TIMM44: variants seen among roughly 807,000 people sequenced by gnomAD.
The protein encoded by TIMM44 is translocase of inner mitochondrial membrane 44, also known as mitochondrial import inner membrane translocase subunit TIM44.
TIMM44 carries 37 observed loss-of-function variants against 63.8 expected under a neutral mutation model. That is an observed-to-expected ratio of 0.58 (90% CI 0.45 to 0.76). The LOEUF (loss-of-function observed/expected upper bound fraction) is 0.76. Ranked by LOEUF, TIMM44 falls within the 30% of genes least tolerant of loss-of-function variation. The pLI, the probability that TIMM44 is intolerant of heterozygous loss-of-function variation, is 0.00. For missense variants in TIMM44, 573 were observed against 603.8 expected (o/e 0.95, Z 0.54); for synonymous variants, 239 against 245.1 (o/e 0.98, Z 0.23).
chr19:7,934,027 T>C lies in TIMM44; in HGVS notation c.544-24A>G, dbSNP rs1211719100. 6.2e-7 allele frequency: 1 copy of C among 1,613,242 alleles called. No individual in the cohort carries two copies. Among genetic ancestry groups the C allele is most frequent in the Non-Finnish European group, 8.5e-7 (1 of 1,179,862 alleles). The stretch of plus-strand genomic sequence containing the variant: ...CCCTGCGAGGGAGGCACAGCGGGGC[T>C]GGGGTGGGTGTCTGGGTTCGGCCGC... On this transcript the variant is annotated intron_variant, in intron 5 of 12. Transcript: ENST00000270538. This position sits in a 1 kb window ranked among gnomAD's most constrained non-coding sequence, Gnocchi z 5.3.
intron 1 of TIMM44, 24 bp from the exon 2 acceptor site, chr19:7,941,221 A>G: frequency 6.4e-7 from 1 of 1,566,458 alleles, no homozygotes. Context: ...GAGAAGAGAA[A>G]GATCCATTCT....
intron 2 of TIMM44, among the ~76,000 whole-genome samples, chr19:7,940,472 G>A (rs1407086666): frequency 6.6e-6 from 1 of 151,944 alleles, no homozygotes; most frequent in Non-Finnish European, 1.5e-5. Context: ...AGAGTCACAG[G>A]TCCTGTCCCA....
intron 1 of TIMM44, among the ~76,000 whole-genome samples, chr19:7,942,624 A>G (rs1984340012): frequency 6.7e-6 from 1 of 149,238 alleles, no homozygotes; most frequent in African/African-American, 2.5e-5. Context: ...CCAAACTTAC[A>G]CAGGTGCCTA....
chr19:7,932,089 C>G (rs1984001142), intron 9 of TIMM44, among the ~76,000 whole-genome samples: 1 of 152,208 alleles, frequency 6.6e-6, no homozygotes, highest in Non-Finnish European at 1.5e-5. Context: ...GAGGCAGAGG[C>G]AGCAGGGAAG....
chr19:7,933,932 C>T lies in TIMM44; in HGVS notation c.615G>A (p.Gln205=), dbSNP rs1454352212. ...LGQTGPYRRP[Q]RLRKRTEFAG... The stretch of plus-strand genomic sequence containing the variant: ...CAAACTCCGTTCTCTTCCGGAGTCG[C>T]TGGGGCCTCCGGTAGGGCCCGGTCT... Residue 205 remains glutamine (Q), a synonymous_variant, in exon 6 of 13, where the codon CAG becomes CAA. Coordinates refer to ENST00000270538, the MANE Select transcript of TIMM44 (RefSeq NM_006351.4). The surrounding 1 kb of genome is among the most constrained non-coding windows in gnomAD (Gnocchi z 4.3). 1 of 1,614,200 alleles carries T rather than the reference C, an allele frequency of 6.2e-7. No homozygotes were observed. The highest frequency in any genetic ancestry group is 8.5e-7 in the Non-Finnish European group (1 of 1,180,028).
rs1984207697 is a variant in TIMM44 at position 7,938,111 on chromosome 19, T to G, written c.228A>C (p.Glu76Asp). ...NVKQELAKNK[E>D]MKESIKKFRD... ...GGAATTTTTTTATACTTTCTTTCATTTCTTTGTTTTTGGCTAATTCTTGTT... is the reference window on the plus strand; with the variant it reads ...GGAATTTTTTTATACTTTCTTTCATGTCTTTGTTTTTGGCTAATTCTTGTT... The change falls in exon 3 of 13, where the codon GAA becomes GAC. Residue 76 changes from glutamate (E) to aspartate (D), a missense_variant. Glu to Asp is a conservative substitution (Grantham distance 45). Transcript: ENST00000270538. 1.9e-6 allele frequency: 3 copies of G among 1,614,028 alleles called. No individual in the cohort carries two copies. The highest frequency in any genetic ancestry group is 2.5e-6 in the Non-Finnish European group (3 of 1,180,036).
At position 7,934,516 on chromosome 19, in the gene TIMM44, A is replaced by G. The variant is rs1301357901; in HGVS notation, c.394-278T>C. On this transcript the variant is annotated intron_variant, in intron 4 of 12. Coordinates refer to ENST00000270538, the MANE Select transcript of TIMM44 (RefSeq NM_006351.4). The surrounding 1 kb of genome is among the most constrained non-coding windows in gnomAD (Gnocchi z 5.3). ...CCCCCAGAGCCATGAGCACACCGCC[A>G]CGGCTTCCGGGATGCTGGCCCTGGG... Among the ~76,000 whole-genome samples, 1 of 151,932 alleles carries G rather than the reference A, an allele frequency of 6.6e-6. No individual in the cohort carries two copies. The highest frequency in any genetic ancestry group is 1.5e-5 in the Non-Finnish European group (1 of 67,986).
chr19:7,942,204 G>A lies in TIMM44; in HGVS notation c.46-1007C>T, dbSNP rs142550706. ...TCTACCAAAAATACAAAAATTAGCCGGGCGTGGTGGCACACACCTGTAGTC... is the reference window on the plus strand; with the variant it reads ...TCTACCAAAAATACAAAAATTAGCCAGGCGTGGTGGCACACACCTGTAGTC... On this transcript the variant is annotated intron_variant, in intron 1 of 12. Coordinates refer to ENST00000270538, the MANE Select transcript of TIMM44 (RefSeq NM_006351.4). Among the ~76,000 whole-genome samples the A allele has an allele frequency of 2.0e-3, 300 of 152,194 alleles. 1 individual carries two copies. The highest frequency in any genetic ancestry group is 6.9e-3 in the African/African-American group (285 of 41,512).
chr19:7,929,448 C>T (rs1246973936), intron 10 of TIMM44, among the ~76,000 whole-genome samples: 1 of 152,214 alleles, frequency 6.6e-6, no homozygotes, highest in Non-Finnish European at 1.5e-5. Flanking sequence ...CCCACTGCCG[C>T]AACCCCATCC....
chr19:7,931,041 T>A, intron 10 of TIMM44, 97 bp downstream of exon 10: 7 of 1,165,874 alleles, frequency 6.0e-6, no homozygotes, highest in South Asian at 1.3e-5. Context: ...GTCCTGCCTG[T>A]TGGGAGCTAC....
intron 1 of TIMM44, among the ~76,000 whole-genome samples, chr19:7,942,093 A>C (rs1984326603): frequency 6.6e-6 from 1 of 152,200 alleles, no homozygotes; most frequent in Non-Finnish European, 1.5e-5. Context: ...TCACGCCAGT[A>C]ATCCCAACAC....
In TIMM44 at chr19:7,935,726, C is replaced by T. The variant is rs549137643; in HGVS notation, c.313-581G>A. On this transcript the variant is annotated intron_variant, in intron 3 of 12. Transcript: ENST00000270538. ...AGGAGGCCCAGCCTTCACCTTTCACCGGGTGGTAGGAGGTGGCCTTGCCTG... is the reference window on the plus strand; with the variant it reads ...AGGAGGCCCAGCCTTCACCTTTCACTGGGTGGTAGGAGGTGGCCTTGCCTG... Among the ~76,000 whole-genome samples, 9 of 152,288 alleles carry T rather than the reference C, an allele frequency of 5.9e-5. No homozygotes were observed. The East Asian group carries it at 9.6e-4, about 16-fold the overall frequency.
Position 7,927,337 on chromosome 19 carries a change from A to G in TIMM44, c.1240-31T>C, listed in dbSNP as rs751421151. On this transcript the variant is annotated intron_variant, in intron 12 of 12. Transcript: ENST00000270538. ...GGGTGGGGTGGGAAGGGCACTGTTG[A>G]GAGGGTTGAGGTGACCCAGGCAGCT... 2.9e-5 allele frequency: 46 copies of G among 1,604,096 alleles called. No individual in the cohort carries two copies. In the Admixed American group the frequency reaches 7.7e-4, roughly 27 times the overall value.
Position 7,931,417 on chromosome 19 carries a change from G to A in TIMM44, c.988-229C>T, listed in dbSNP as rs1983979305. The A allele has an allele frequency of 9.0e-6, 5 of 557,608 alleles. No individual in the cohort carries two copies. The Admixed American group carries it at 9.3e-5, about 10-fold the overall frequency. The allele number at this position is 557,608 out of a possible 1,614,324, so 34.5% of individuals were successfully genotyped here. A position where few individuals can be genotyped will look rare whatever the true frequency, so the allele number is the denominator to read the frequency against. On this transcript the variant is annotated intron_variant, in intron 9 of 12. Coordinates refer to ENST00000270538, the MANE Select transcript of TIMM44 (RefSeq NM_006351.4). The stretch of plus-strand genomic sequence containing the variant: ...TAGGCACAGGCGGAGGGCGGCCTGC[G>A]GGCGACCACCCAGGAGGCACCCCAC...
Position 7,928,923 on chromosome 19 carries a change from C to CAAAAAAAAAAAAAAAAAAAAAAAAAAA in TIMM44, c.1039-758_1039-757insTTTTTTTTTTTTTTTTTTTTTTTTTTT, listed in dbSNP as rs758167153. 8.6e-5 allele frequency: 6 copies of CAAAAAAAAAAAAAAAAAAAAAAAAAAA among 70,092 alleles called. 1 individual carries two copies. Among genetic ancestry groups the CAAAAAAAAAAAAAAAAAAAAAAAAAAA allele is most frequent in the Admixed American group, 1.5e-4 (1 of 6,656 alleles). 4.3% of individuals were successfully genotyped at this position (70,092 alleles called of 1,614,324 possible). ...CCAAGGTAAAAACAAAACAAAAAAC[C>CAAAAAAAAAAAAAAAAAAAAAAAAAAA]AAAAAAAAAAAAAAAAAAAAAAAAA... On this transcript the variant is annotated intron_variant, in intron 10 of 12. Transcript: ENST00000270538.
intron 9 of TIMM44, among the ~76,000 whole-genome samples, chr19:7,931,984 G>T (rs983185386): frequency 2.6e-5 from 4 of 152,242 alleles, no homozygotes; most frequent in Non-Finnish European, 5.9e-5. Flanking sequence ...GGCCGGCGGG[G>T]CCAAGGATGG....
rs369096964 is a variant in TIMM44 at position 7,930,987 on chromosome 19, C to A, written c.1038+151G>T. ...GAAAGGGGCAGGGGGGGATGTCAGGCTCTCGGAGGGTGAGACGTGAGGATT... is the reference window on the plus strand; with the variant it reads ...GAAAGGGGCAGGGGGGGATGTCAGGATCTCGGAGGGTGAGACGTGAGGATT... On this transcript the variant is annotated intron_variant, in intron 10 of 12. Coordinates refer to ENST00000270538, the MANE Select transcript of TIMM44 (RefSeq NM_006351.4). 1.9e-3 allele frequency: 1,285 copies of A among 680,906 alleles called. 2 individuals are homozygous for A. The highest frequency in any genetic ancestry group is 2.9e-3 in the Non-Finnish European group (1,118 of 389,184). The allele number at this position is 680,906 out of a possible 1,614,324, so 42.2% of individuals were successfully genotyped here. A position where few individuals can be genotyped will look rare whatever the true frequency, so the allele number is the denominator to read the frequency against.
intron 10 of TIMM44, among the ~76,000 whole-genome samples, chr19:7,930,567 A>G (rs1306647121): frequency 6.6e-6 from 1 of 151,970 alleles, no homozygotes; most frequent in Admixed American, 6.6e-5. Context: ...TGGCATCCCA[A>G]AGTGCTGGGA....
intron 11 of TIMM44, 44 bp from the exon 12 acceptor site, chr19:7,927,811 C>A: frequency 6.3e-7 from 1 of 1,585,316 alleles, no homozygotes; most frequent in South Asian, 1.1e-5. Context: ...GAGGACAGCC[C>A]GGCTGCTCCC....
Sources: gnomAD v4.1 joint callset for allele counts (sites outside exome capture counted in the v4.1 genomes callset) on GRCh38, gnomAD v4.1.1 for gene constraint, Gnocchi (gnomAD v3.1) non-coding constraint, MANE v1.5 for transcripts, NCBI Gene and HGNC (gene_info 2026-07-23, HGNC 2026-07-21) for gene names.